Variants in G2E3 observed in about 807,000 individuals in gnomAD.
G2E3 encodes the protein G2/M-phase specific E3 ubiquitin protein ligase, also known as G2/M phase-specific E3 ubiquitin-protein ligase.
Under a neutral mutation model 92.8 loss-of-function variants are expected in G2E3, and 35 were observed. The ratio of observed to expected loss-of-function variants is 0.38; its 90% CI spans 0.29 to 0.50. The LOEUF (loss-of-function observed/expected upper bound fraction) is 0.50. Among genes scored for constraint, G2E3 ranks in the 20% least tolerant of loss-of-function variants. The probability of loss-of-function intolerance (pLI) is 0.94; values close to 1 mark genes in which losing one functional copy is unlikely to be tolerated. For missense variants in G2E3, 554 were observed against 823.8 expected (o/e 0.67, Z 4.01); for synonymous variants, 242 against 272.4 (o/e 0.89, Z 1.10).
chr14:30,585,006 A>AT (rs576330577), intron 2 of G2E3, among the ~76,000 whole-genome samples: 54 of 148,492 alleles, frequency 3.6e-4, no homozygotes, highest in Admixed American at 2.0e-3. Context: ...TAATTTTTGT[A>AT]TTTTTTTTTA....
At chr14:30,590,737 T>C (rs755695670) in intron 4 of G2E3, 5 of 455,738 alleles carry the variant, frequency 1.1e-5, no homozygotes, top group Non-Finnish European at 2.2e-5. Flanking sequence ...TGAGCATGAA[T>C]CTAAGGACTA....
chr14:30,596,135 C>CAT (rs1437113690), intron 6 of G2E3, among the ~76,000 whole-genome samples: 7 of 127,254 alleles, frequency 5.5e-5, no homozygotes, highest in South Asian at 2.8e-4. Flanking sequence ...GGTGGGTGTG[C>CAT]GTGTGTGTGT....
chr14:30,609,329 A>G (rs1203426015), intron 12 of G2E3, among the ~76,000 whole-genome samples: 1 of 152,140 alleles, frequency 6.6e-6, no homozygotes, highest in African/African-American at 2.4e-5. Context: ...ACCAGTCTCA[A>G]GTTAGCTAGT....
chr14:30,595,228 G>C (rs1881222717), intron 6 of G2E3, among the ~76,000 whole-genome samples: 1 of 152,166 alleles, frequency 6.6e-6, no homozygotes, highest in Admixed American at 6.5e-5. Context: ...AAGGATCCTA[G>C]AGAGTGCAGT....
At chr14:30,601,197 C>G (rs572955918) in intron 8 of G2E3, among the ~76,000 whole-genome samples, 3 of 152,186 alleles carry the variant, frequency 2.0e-5, no homozygotes, top group Non-Finnish European at 4.4e-5. Context: ...CCCTACACTA[C>G]AGCCCACACT....
chr14:30,576,038 G>GA (rs1390244394), intron 1 of G2E3, among the ~76,000 whole-genome samples: 4 of 151,958 alleles, frequency 2.6e-5, no homozygotes, highest in South Asian at 2.1e-4. Flanking sequence ...CATGTGGAAC[G>GA]AAAAAAGAGC....
Position 30,582,572 on chromosome 14 carries a change from A to C in G2E3, c.37+1456A>C, listed in dbSNP as rs536727120. ...CAGTTCACAAGGACTCCTCTTTTGT[A>C]GACTCAGCTAATTCTACATAATTCT... On this transcript the variant is annotated intron_variant, in intron 2 of 14. Coordinates refer to ENST00000206595, the MANE Select transcript of G2E3 (RefSeq NM_017769.5). Among the ~76,000 whole-genome samples, 4 of 152,342 alleles carry C rather than the reference A, an allele frequency of 2.6e-5. No individual in the cohort carries two copies. In the South Asian group the frequency reaches 8.3e-4, roughly 32 times the overall value.
At chr14:30,576,471 A>C (rs1202767630) in intron 1 of G2E3, among the ~76,000 whole-genome samples, 2 of 152,240 alleles carry the variant, frequency 1.3e-5, no homozygotes, top group Non-Finnish European at 2.9e-5. Context: ...CAAAGATTTC[A>C]TGACAAGGAC....
At chr14:30,599,663 G>T (rs1270611834) in intron 8 of G2E3, among the ~76,000 whole-genome samples, 2 of 152,068 alleles carry the variant, frequency 1.3e-5, no homozygotes, top group Admixed American at 1.3e-4. Flanking sequence ...ACGACTTAAA[G>T]AACTTACATG....
intron 10 of G2E3, 82 bp from the exon 11 acceptor site, chr14:30,605,423 T>C: frequency 1.9e-6 from 1 of 517,890 alleles, no homozygotes; most frequent in East Asian, 3.2e-5. Flanking sequence ...TCCCCTCGTC[T>C]TGTTTTATTG....
intron 1 of G2E3, among the ~76,000 whole-genome samples, chr14:30,576,863 A>G (rs1042992783): frequency 7.2e-5 from 11 of 152,186 alleles, no homozygotes; most frequent in African/African-American, 2.7e-4. Flanking sequence ...TTCTCTTTCA[A>G]GTGCCTGATT....
chr14:30,618,425 T>A lies in G2E3; in HGVS notation c.*1891T>A, dbSNP rs964943025. ...CCAATACAAACCAATAAAACCTAGTTAAAGCTATTTTCTGGTTTTTAGTTG... is the reference window on the plus strand; with the variant it reads ...CCAATACAAACCAATAAAACCTAGTAAAAGCTATTTTCTGGTTTTTAGTTG... On this transcript the variant is annotated 3_prime_UTR_variant, in exon 15 of 15. Coordinates refer to ENST00000206595, the MANE Select transcript of G2E3 (RefSeq NM_017769.5). 1.3e-5 allele frequency: 2 copies of A among 152,126 alleles called. No individual in the cohort carries two copies. The highest frequency in any genetic ancestry group is 4.8e-5 in the African/African-American group (2 of 41,468). 9.4% of individuals were successfully genotyped at this position (152,126 alleles called of 1,614,324 possible). A position where few individuals can be genotyped will look rare whatever the true frequency, so the allele number is the denominator to read the frequency against.
intron 14 of G2E3, 23 bp from the exon 15 acceptor site, chr14:30,616,255 C>A (rs1035810280): frequency 1.3e-6 from 2 of 1,520,964 alleles, no homozygotes; most frequent in Admixed American, 1.7e-5. Flanking sequence ...TTCTTTTACT[C>A]TTTTATTGGT....
rs775042994 is a variant in G2E3 at position 30,601,809 on chromosome 14, T to C, written c.792T>C (p.Ser264=). The change falls in exon 9 of 15, where the codon AGT becomes AGC. Residue 264 remains serine (S), a synonymous_variant. Transcript: ENST00000206595. ...AGCGCTGTCAGTGTTGTGGTTCCAG[T>C]GGCACACATTTAGCCTGCTCCTCAT... ...EIKRCQCCGS[S]GTHLACSSLR... 4.3e-6 allele frequency: 7 copies of C among 1,613,936 alleles called. No individual in the cohort carries two copies. Among genetic ancestry groups the C allele is most frequent in the East Asian group, 2.2e-5 (1 of 44,876 alleles).
intron 4 of G2E3, chr14:30,590,771 T>A: frequency 2.2e-6 from 1 of 455,408 alleles, no homozygotes; most frequent in Non-Finnish European, 4.4e-6. Flanking sequence ...ACGTGAGATA[T>A]TAGTATCATA....
chr14:30,567,890 C>A (rs1477865358), intron 1 of G2E3, among the ~76,000 whole-genome samples: 1 of 152,006 alleles, frequency 6.6e-6, no homozygotes, highest in Non-Finnish European at 1.5e-5. Context: ...ATTCCATAGT[C>A]ATTGGAGAGG....
At chr14:30,599,581 A>G (rs1489604830) in intron 8 of G2E3, among the ~76,000 whole-genome samples, 1 of 152,172 alleles carries the variant, frequency 6.6e-6, no homozygotes, top group Non-Finnish European at 1.5e-5. Context: ...CTGATGTACT[A>G]GGACTTAGGA....
At chr14:30,600,590 C>G (rs1248514760) in intron 8 of G2E3, among the ~76,000 whole-genome samples, 11 of 152,198 alleles carry the variant, frequency 7.2e-5, no homozygotes, top group Non-Finnish European at 1.3e-4. Flanking sequence ...TGTTCTTAAC[C>G]TATATGTATT....
chr14:30,590,328 T>A (rs1255773518), intron 4 of G2E3, among the ~76,000 whole-genome samples: 1 of 151,682 alleles, frequency 6.6e-6, no homozygotes, highest in Non-Finnish European at 1.5e-5. Context: ...TTAGACTTTG[T>A]TTTCCACAGA....
Sources: gnomAD v4.1 joint callset for allele counts (sites outside exome capture counted in the v4.1 genomes callset) on GRCh38, gnomAD v4.1.1 for gene constraint, MANE v1.5 for transcripts, NCBI Gene and HGNC (gene_info 2026-07-23, HGNC 2026-07-21) for gene names.